The following CDH22 variants were observed in gnomAD, a reference collection of about 807,000 sequenced individuals.
CDH22 encodes the protein cadherin 22, also known as cadherin-22.
CDH22 carries 30 observed loss-of-function variants against 58.4 expected under a neutral mutation model. That is an observed-to-expected ratio of 0.51 (90% confidence interval 0.38 to 0.70). The LOEUF (loss-of-function observed/expected upper bound fraction) is 0.70. Among genes scored for constraint, CDH22 ranks in the 30% least tolerant of loss-of-function variants. The pLI is 0.00. For missense variants in CDH22, 1,014 were observed against 1,233.9 expected (o/e 0.82, Z 2.67); for synonymous variants, 513 against 558.2 (o/e 0.92, Z 1.14).
Position 46,212,990 on chromosome 20 carries a change from T to A in CDH22, c.1032+5A>T, listed in dbSNP as rs777321935. 2.0e-5 allele frequency: 32 copies of A among 1,613,448 alleles called. No individual in the cohort carries two copies. The highest frequency in any genetic ancestry group is 2.6e-5 in the Non-Finnish European group (31 of 1,179,560). On this transcript the variant is annotated splice_donor_5th_base_variant and intron_variant, in intron 6 of 11. Transcript: ENST00000537909. The stretch of plus-strand genomic sequence containing the variant: ...CCTCCCCCATTCCTCCTGAGGCAGC[T>A]GCACCTTCTGCACTACGATGATGGC...
At chr20:46,297,486 AT>A (rs2086633844) in intron 1 of CDH22, among the ~76,000 whole-genome samples, 1 of 150,968 alleles carries the variant, frequency 6.6e-6, no homozygotes, top group South Asian at 2.1e-4. Context: ...CTCTGTGGAG[AT>A]TCTGGGGAAT....
Position 46,178,175 on chromosome 20 carries a change from C to G in CDH22, c.1686G>C (p.Thr562=). Residue 562 remains threonine (T), a synonymous_variant, in exon 11 of 12, where the codon ACG becomes ACC. Transcript: ENST00000537909. ...CCTGCCGGTTGAAGCCCACGTGCTG[C>G]GTGTGCACTGCAGCGGTGTTGTCTG... is the stretch of plus-strand genomic sequence containing the variant. The part of the protein sequence containing the change: ...DIQDNTAAVH[T]QHVGFNRQEQ... The G allele has an allele frequency of 1.9e-6, 3 of 1,613,772 alleles. No homozygotes were observed. Among genetic ancestry groups the G allele is most frequent in the Non-Finnish European group, 2.5e-6 (3 of 1,179,912 alleles).
At chr20:46,303,663 G>A (rs2086662123) in intron 1 of CDH22, among the ~76,000 whole-genome samples, 1 of 152,204 alleles carries the variant, frequency 6.6e-6, no homozygotes, top group Non-Finnish European at 1.5e-5. Flanking sequence ...TAATGCTTTG[G>A]AATATCTTCG....
intron 1 of CDH22, among the ~76,000 whole-genome samples, chr20:46,284,918 A>T (rs1355954095): frequency 6.6e-6 from 1 of 152,078 alleles, no homozygotes; most frequent in Non-Finnish European, 1.5e-5. Context: ...TCCTTCTGGG[A>T]TGGGCACAGA....
chr20:46,299,213 A>G (rs557829093), intron 1 of CDH22, among the ~76,000 whole-genome samples: 1 of 152,204 alleles, frequency 6.6e-6, no homozygotes, highest in South Asian at 2.1e-4. Flanking sequence ...CAACCAGCTG[A>G]CACCGAAGCC....
In CDH22 at chr20:46,251,367, A is replaced by G; in HGVS notation, c.-73T>C. 7.2e-7 allele frequency: 1 copy of G among 1,386,168 alleles called. No individual in the cohort carries two copies. The highest frequency in any genetic ancestry group is 1.6e-5 in the South Asian group (1 of 62,952). 85.9% of individuals were successfully genotyped at this position (1,386,168 alleles called of 1,614,324 possible). A position where few individuals can be genotyped will look rare whatever the true frequency, so the allele number is the denominator to read the frequency against. On this transcript the variant is annotated 5_prime_UTR_variant, in exon 2 of 12. Coordinates refer to ENST00000537909, the MANE Select transcript of CDH22 (RefSeq NM_021248.3). This position sits in a 1 kb window ranked among gnomAD's most constrained non-coding sequence, Gnocchi z 6.7. ...CAGGGCGCCGCTGCTTGGTCGCACA[A>G]CGATGCGGCGCCGTGTCACATGGTG...
chr20:46,195,605 C>T (rs2145665030), intron 8 of CDH22, among the ~76,000 whole-genome samples: 1 of 150,034 alleles, frequency 6.7e-6, no homozygotes, highest in South Asian at 2.1e-4. Flanking sequence ...TTTTCCAAGT[C>T]TCCCCTAGAC....
chr20:46,289,487 T>TCTTGAATATCCA (rs2086591087), intron 1 of CDH22, among the ~76,000 whole-genome samples: 1 of 152,200 alleles, frequency 6.6e-6, no homozygotes, highest in Non-Finnish European at 1.5e-5. Context: ...AGTGGATATT[T>TCTTGAATATCCA]CTTGAATGAC....
intron 1 of CDH22, among the ~76,000 whole-genome samples, chr20:46,301,606 C>G (rs1340386441): frequency 6.6e-6 from 1 of 151,834 alleles, no homozygotes; most frequent in Non-Finnish European, 1.5e-5. Context: ...AGGTCAGGAG[C>G]TCGAGACCAG....
At chr20:46,306,079 C>T (rs1006877921) in intron 1 of CDH22, among the ~76,000 whole-genome samples, 4 of 152,272 alleles carry the variant, frequency 2.6e-5, no homozygotes, top group Non-Finnish European at 4.4e-5. Context: ...TACTCGGCGT[C>T]TCTGCTAAAG....
intron 1 of CDH22, among the ~76,000 whole-genome samples, chr20:46,252,561 GGGGA>G (rs1289105485): frequency 6.6e-6 from 1 of 152,252 alleles, no homozygotes; most frequent in Admixed American, 6.5e-5. Flanking sequence ...GGTGTTTACA[GGGGA>G]CAGCGATGCT....
intron 1 of CDH22, among the ~76,000 whole-genome samples, chr20:46,290,135 G>C (rs2086594220): frequency 6.6e-6 from 1 of 152,198 alleles, no homozygotes; most frequent in Non-Finnish European, 1.5e-5. Context: ...ACTTTGGTGA[G>C]AAAACTGTAC....
intron 10 of CDH22, among the ~76,000 whole-genome samples, chr20:46,182,970 G>A (rs186591366): frequency 2.6e-5 from 4 of 152,154 alleles, no homozygotes; most frequent in Admixed American, 2.6e-4. Context: ...CCCTGTCCCC[G>A]GAGCTTACAC....
intron 1 of CDH22, among the ~76,000 whole-genome samples, chr20:46,266,429 C>T (rs1370722134): frequency 6.6e-6 from 1 of 152,172 alleles, no homozygotes; most frequent in Non-Finnish European, 1.5e-5. Context: ...CTCACCAAGG[C>T]AGAGAAGGAC....
chr20:46,263,612 T>C (rs1600720711), intron 1 of CDH22, among the ~76,000 whole-genome samples: 1 of 152,092 alleles, frequency 6.6e-6, no homozygotes, highest in East Asian at 1.9e-4. Flanking sequence ...AACAGTTCCC[T>C]GAGAAGGGGT....
Position 46,188,984 on chromosome 20 carries a change from C to T in CDH22, c.1424-2037G>A, listed in dbSNP as rs112271402. ...GCATCCAGGCTCCCCAAGAGTTTCA[C>T]GGGGAGTGGGACTGGTCGGCTGCCT... On this transcript the variant is annotated intron_variant, in intron 8 of 11. Coordinates refer to ENST00000537909, the MANE Select transcript of CDH22 (RefSeq NM_021248.3). Among the ~76,000 whole-genome samples, 380 of 152,156 alleles carry T rather than the reference C, an allele frequency of 2.5e-3. 2 individuals carry two copies. Among genetic ancestry groups the T allele is most frequent in the African/African-American group, 8.9e-3 (368 of 41,510 alleles).
At chr20:46,201,821 C>T (rs1012321458) in intron 7 of CDH22, among the ~76,000 whole-genome samples, 1 of 152,074 alleles carries the variant, frequency 6.6e-6, no homozygotes, top group South Asian at 2.1e-4. Flanking sequence ...GGCGAAAGTA[C>T]GTGGGGAGGT....
At chr20:46,262,725 C>T (rs969863858) in intron 1 of CDH22, among the ~76,000 whole-genome samples, 9 of 152,162 alleles carry the variant, frequency 5.9e-5, no homozygotes, top group Admixed American at 3.9e-4. Context: ...TGGATTTGAA[C>T]TCTGATCTGC....
In CDH22 at chr20:46,199,546, G is replaced by A; in HGVS notation, c.1300C>T (p.Arg434Cys). ...AAGATCTGGTCCAAATCTGATTCGC[G>A]GTCAATGGCGTACCTGCGGGGGGCA... ...ANRPVRYAID[R>C]ESDLDQIFDI... Residue 434 changes from arginine (R) to cysteine (C), a missense_variant, in exon 8 of 12, where the codon CGC becomes TGC. This residue lies in a region of CDH22 where 806 missense variants were observed against 1,038.7 expected (regional missense o/e 0.78). Coordinates refer to ENST00000537909, the MANE Select transcript of CDH22 (RefSeq NM_021248.3). 1.9e-6 allele frequency: 3 copies of A among 1,613,666 alleles called. No homozygotes were observed. Among genetic ancestry groups the A allele is most frequent in the African/African-American group, 1.3e-5 (1 of 75,062 alleles).
Sources: allele counts gnomAD v4.1 joint callset (sites outside exome capture counted in the v4.1 genomes callset), GRCh38; gene constraint gnomAD v4.1.1; regional missense constraint gnomAD v4.1.1; non-coding constraint Gnocchi (gnomAD v3.1); transcripts MANE v1.5; gene names NCBI Gene and HGNC (gene_info 2026-07-23, HGNC 2026-07-21).